CUX1: variants seen among roughly 807,000 people sequenced by gnomAD.
CUX1 encodes the protein protein CASP.
In CUX1, 31 loss-of-function variants were observed where a neutral mutation model predicts 158.8. That is an observed-to-expected ratio of 0.20 (90% CI 0.15 to 0.26). CUX1 has a LOEUF of 0.26. Ranked by LOEUF, CUX1 falls within the 10% of genes least tolerant of loss-of-function variation. CUX1 has a pLI of 1.00. For synonymous variants in CUX1, 879 were observed against 862.1 expected (o/e 1.02, Z -0.34); for missense variants, 1,589 against 2,014.6 (o/e 0.79, Z 4.04).
chr7:102,145,674 C>T (rs1448808484), intron 8 of CUX1, among the ~76,000 whole-genome samples: 4 of 152,082 alleles, frequency 2.6e-5, no homozygotes, highest in Non-Finnish European at 5.9e-5. Context: ...GGGCCGGGCG[C>T]GGTGGCTCAC....
chr7:101,821,671 C>CTTTT lies in CUX1; in HGVS notation c.30+4025_30+4028dup, dbSNP rs58793343. Among the ~76,000 whole-genome samples the CTTTT allele has an allele frequency of 5.0e-3, 256 of 51,310 alleles. 32 individuals are homozygous for CTTTT. Among genetic ancestry groups the CTTTT allele is most frequent in the South Asian group, 5.6e-3 (5 of 898 alleles). 33.7% of individuals were successfully genotyped at this position (51,310 alleles called of 152,430 possible). Reference sequence around the variant, plus strand: ...CTTTTCTTTTCTTTTTTTCTTTTTTCTTTTTTTTTTTTTTTTTTTTTTTTT... The same window carrying CTTTT: ...CTTTTCTTTTCTTTTTTTCTTTTTTCTTTTTTTTTTTTTTTTTTTTTTTTTTTTT... On this transcript the variant is annotated intron_variant, in intron 1 of 23. Transcript: ENST00000292535.
intron 2 of CUX1, among the ~76,000 whole-genome samples, chr7:101,929,476 G>T (rs1049949747): frequency 6.6e-6 from 1 of 152,182 alleles, no homozygotes; most frequent in Non-Finnish European, 1.5e-5. Flanking sequence ...ACGTCATTCT[G>T]TGTAGGATTT....
chr7:101,921,932 A>G (rs1301097112), intron 2 of CUX1, among the ~76,000 whole-genome samples: 1 of 152,180 alleles, frequency 6.6e-6, no homozygotes. Context: ...ATCCTGGGCA[A>G]CATAGTGAGA....
chr7:102,079,119 C>G (rs1395703682), intron 4 of CUX1, among the ~76,000 whole-genome samples: 1 of 152,110 alleles, frequency 6.6e-6, no homozygotes, highest in Non-Finnish European at 1.5e-5. Flanking sequence ...CTCAAAGATC[C>G]CACATTAAGA....
chr7:102,218,481 C>T (rs1554525679), intron 20 of CUX1, among the ~76,000 whole-genome samples: 1 of 152,024 alleles, frequency 6.6e-6, no homozygotes, highest in East Asian at 1.9e-4. Context: ...CCCAGGAGTT[C>T]AAGACCAGCC....
chr7:102,206,373 T>C (rs1476550335), intron 20 of CUX1, among the ~76,000 whole-genome samples: 2 of 152,158 alleles, frequency 1.3e-5, no homozygotes, highest in Non-Finnish European at 2.9e-5. Flanking sequence ...TTGGCCAATT[T>C]AATTAGAAAG....
At chr7:101,893,764 G>A (rs181115451) in intron 1 of CUX1, among the ~76,000 whole-genome samples, 2 of 152,306 alleles carry the variant, frequency 1.3e-5, no homozygotes, top group Non-Finnish European at 2.9e-5. Flanking sequence ...ATGTAAATGA[G>A]AATGAGAAGT....
chr7:101,878,446 G>A lies in CUX1; in HGVS notation c.31-37669G>A, dbSNP rs532123006. Among the ~76,000 whole-genome samples, 18 of 152,318 alleles carry A rather than the reference G, an allele frequency of 1.2e-4. No homozygotes were observed. The South Asian group carries it at 3.7e-3, about 32-fold the overall frequency. On this transcript the variant is annotated intron_variant, in intron 1 of 23. Coordinates refer to ENST00000292535, the MANE Select transcript of CUX1 (RefSeq NM_181552.4). Reference sequence around the variant, plus strand: ...AAGTCATTGCCGCTAAGGCTGGCAAGGTGTGGCTGGGGCCAAGTTGGGGGA... The same window carrying A: ...AAGTCATTGCCGCTAAGGCTGGCAAAGTGTGGCTGGGGCCAAGTTGGGGGA...
At chr7:102,265,372 GAA>G (rs1554544854) in intron 14 of CUX1, among the ~76,000 whole-genome samples, 11 of 149,526 alleles carry the variant, frequency 7.4e-5, no homozygotes, top group African/African-American at 2.7e-4. Context: ...AAAAAAAAGA[GAA>G]AGAAAGAAAC....
chr7:101,959,646 T>C (rs1173511332), intron 2 of CUX1: 1 of 152,138 alleles, frequency 6.6e-6, no homozygotes, highest in Admixed American at 6.6e-5. Flanking sequence ...CTATCGAGGG[T>C]GGAGTGCATT....
intron 3 of CUX1, among the ~76,000 whole-genome samples, chr7:102,069,225 T>G (rs555784876): frequency 6.6e-6 from 1 of 152,132 alleles, no homozygotes; most frequent in African/African-American, 2.4e-5. Context: ...TGACCGCTGC[T>G]CAGGTGATGA....
At chr7:102,108,425 A>G (rs1443685329) in intron 6 of CUX1, among the ~76,000 whole-genome samples, 1 of 152,170 alleles carries the variant, frequency 6.6e-6, no homozygotes, top group Non-Finnish European at 1.5e-5. Flanking sequence ...AGCTCACTGC[A>G]ACCCTCCGCT....
In CUX1 at chr7:102,201,365, C is replaced by T. The variant is rs948411656; in HGVS notation, c.2068C>T (p.Pro690Ser). ...ACCCCTGTTTCTCCATGCAGCAGAGCCGGCCCAGCCTTCCTCCGCATCCGG... is the reference window on the plus strand; with the variant it reads ...ACCCCTGTTTCTCCATGCAGCAGAGTCGGCCCAGCCTTCCTCCGCATCCGG... ...RELQVQKTAE[P>S]AQPSSASGSG... The change falls in exon 18 of 24, where the codon CCG (proline) becomes TCG (serine). Residue 690 changes from proline to serine, a missense_variant. Physicochemically the swap from Pro to Ser is moderately conservative, Grantham distance 74. Coordinates refer to ENST00000292535, the MANE Select transcript of CUX1 (RefSeq NM_181552.4). The surrounding 1 kb of genome is among the most constrained non-coding windows in gnomAD (Gnocchi z 5.0). The T allele has an allele frequency of 6.2e-7, 1 of 1,612,666 alleles. No homozygotes were observed. The highest frequency in any genetic ancestry group is 1.3e-5 in the African/African-American group (1 of 75,050).
chr7:102,010,388 C>G (rs1817853912), intron 2 of CUX1, among the ~76,000 whole-genome samples: 1 of 126,834 alleles, frequency 7.9e-6, no homozygotes, highest in African/African-American at 3.0e-5. Flanking sequence ...AACAAGAAGA[C>G]TCTGTCTCAA....
chr7:101,820,330 A>T (rs950054416), intron 1 of CUX1, among the ~76,000 whole-genome samples: 2 of 152,250 alleles, frequency 1.3e-5, no homozygotes, highest in African/African-American at 4.8e-5. Flanking sequence ...CATATGAAGA[A>T]TCCTACAGAG....
At chr7:102,039,409 T>C (rs1027441996) in intron 3 of CUX1, among the ~76,000 whole-genome samples, 4 of 151,864 alleles carry the variant, frequency 2.6e-5, no homozygotes, top group African/African-American at 9.7e-5. Flanking sequence ...TGACTGACAC[T>C]TTGAGAGGCC....
intron 4 of CUX1, among the ~76,000 whole-genome samples, chr7:102,077,561 A>G (rs1339864740): frequency 1.3e-5 from 2 of 150,342 alleles, no homozygotes; most frequent in African/African-American, 2.4e-5. Context: ...ATGAACAAGT[A>G]AAATATGCAG....
intron 11 of CUX1, among the ~76,000 whole-genome samples, chr7:102,186,577 G>GTATATA (rs143666730): frequency 3.0e-4 from 36 of 120,296 alleles, no homozygotes; most frequent in African/African-American, 6.7e-4. Context: ...AACCTAGATA[G>GTATATA]TATATATATA....
At chr7:102,003,566 A>G (rs1294306672) in intron 2 of CUX1, among the ~76,000 whole-genome samples, 2 of 152,140 alleles carry the variant, frequency 1.3e-5, no homozygotes, top group Non-Finnish European at 2.9e-5. Flanking sequence ...TGTACCATGT[A>G]TAGAACTTGG....
Sources: gnomAD v4.1 joint callset for allele counts (sites outside exome capture counted in the v4.1 genomes callset) on GRCh38, gnomAD v4.1.1 for gene constraint, Gnocchi (gnomAD v3.1) non-coding constraint, MANE v1.5 for transcripts, NCBI Gene and HGNC (gene_info 2026-07-23, HGNC 2026-07-21) for gene names.